MEI4: variants seen among roughly 807,000 people sequenced by gnomAD.
The protein encoded by MEI4 is meiosis-specific protein MEI4.
A neutral mutation model predicts 31.4 loss-of-function variants in MEI4; 27 were observed. The observed-to-expected ratio is 0.86, with a 90% CI of 0.63 to 1.19. The LOEUF is 1.19. MEI4 is among the 50% of genes most tolerant of loss of function. The pLI is 0.00. For missense variants in MEI4, 329 were observed against 398.9 expected, an observed-to-expected ratio of 0.82 and a Z score of 1.49; for synonymous variants, 122 against 145.4, an observed-to-expected ratio of 0.84 and a Z score of 1.16.
At chr6:77,885,573 G>A (rs1369486367) in intron 4 of MEI4, among the ~76,000 whole-genome samples, 1 of 152,106 alleles carries the variant, frequency 6.6e-6, no homozygotes. Flanking sequence ...TCTTGGTGGA[G>A]TTGTTAGGTT....
chr6:77,727,025 A>G lies in MEI4; in HGVS notation c.233-34105A>G, dbSNP rs148294566. Among the ~76,000 whole-genome samples, 36 of 152,340 alleles carry G rather than the reference A, an allele frequency of 2.4e-4. No homozygotes were observed. The East Asian group carries it at 6.6e-3, about 28-fold the overall frequency. On this transcript the variant is annotated intron_variant, in intron 2 of 4. Transcript: ENST00000684080. ...GGGAGGGAAGGGGGACATGTGTTTAATAAGCCAACAATTACAATTTTTTTT... is the reference window on the plus strand; with the variant it reads ...GGGAGGGAAGGGGGACATGTGTTTAGTAAGCCAACAATTACAATTTTTTTT...
intron 2 of MEI4, among the ~76,000 whole-genome samples, chr6:77,745,098 G>C (rs918606378): frequency 7.9e-5 from 12 of 152,132 alleles, no homozygotes; most frequent in Non-Finnish European, 1.6e-4. Context: ...CATAATGACA[G>C]GATCAAATTC....
At position 77,924,530 on chromosome 6, in the gene MEI4, C is replaced by T. The variant is rs1766800131; in HGVS notation, c.*1184C>T. On this transcript the variant is annotated 3_prime_UTR_variant, in exon 5 of 5. Transcript: ENST00000684080. The stretch of plus-strand genomic sequence containing the variant: ...AACAATAATATTTCTCAGATATATG[C>T]AGGTCACTCAAGGATCAGCTGATTT... 6.6e-6 allele frequency: 1 copy of T among 151,768 alleles called. No homozygotes were observed. The highest frequency in any genetic ancestry group is 3.2e-3 in the Middle Eastern group (1 of 316). 9.4% of individuals were successfully genotyped at this position (151,768 alleles called of 1,614,324 possible).
intron 4 of MEI4, among the ~76,000 whole-genome samples, chr6:77,866,038 G>A (rs1032770262): frequency 1.4e-4 from 21 of 152,142 alleles, no homozygotes; most frequent in African/African-American, 4.1e-4. Flanking sequence ...AACTCTTCAT[G>A]CTAAACACTC....
chr6:77,790,665 C>T (rs891864750), intron 3 of MEI4, among the ~76,000 whole-genome samples: 5 of 151,982 alleles, frequency 3.3e-5, no homozygotes, highest in African/African-American at 9.7e-5. Context: ...AAAGCAAGAT[C>T]AACCCAAAGA....
chr6:77,866,212 G>T (rs551026714), intron 4 of MEI4, among the ~76,000 whole-genome samples: 1 of 151,828 alleles, frequency 6.6e-6, no homozygotes, highest in Non-Finnish European at 1.5e-5. Context: ...TCAACATAGT[G>T]TTGGAAGTTC....
chr6:77,821,799 C>CAAAAA (rs34905460), intron 3 of MEI4, among the ~76,000 whole-genome samples: 24 of 93,042 alleles, frequency 2.6e-4, no homozygotes, highest in Non-Finnish European at 4.6e-4. Context: ...GCCATCTCTC[C>CAAAAA]AAAAAAAAAA....
intron 4 of MEI4, among the ~76,000 whole-genome samples, chr6:77,832,693 G>T (rs1770114335): frequency 6.6e-6 from 1 of 152,016 alleles, no homozygotes; most frequent in Non-Finnish European, 1.5e-5. Context: ...ATAGTCATAG[G>T]AAGTACAGCA....
At chr6:77,746,768 G>A (rs1191332820) in intron 2 of MEI4, among the ~76,000 whole-genome samples, 1 of 152,018 alleles carries the variant, frequency 6.6e-6, no homozygotes, top group Admixed American at 6.6e-5. Flanking sequence ...ACTGTATGTG[G>A]AGGGTAAAAG....
intron 4 of MEI4, among the ~76,000 whole-genome samples, chr6:77,835,117 CT>C (rs1290946140): frequency 6.7e-6 from 1 of 149,062 alleles, no homozygotes; most frequent in Non-Finnish European, 1.5e-5. Context: ...TTATAATATA[CT>C]TTTTATATTA....
chr6:77,923,218 AAGAAATTTCTTC>A lies in MEI4; in HGVS notation c.1035_1046del (p.Phe346_Lys349del), dbSNP rs1766752337. The A allele has an allele frequency of 4.1e-6, 5 of 1,230,492 alleles. No individual in the cohort carries two copies. The highest frequency in any genetic ancestry group is 4.2e-5 in the Admixed American group (1 of 23,566). The allele number at this position is 1,230,492 out of a possible 1,614,324, so 76.2% of individuals were successfully genotyped here. Reference sequence around the variant, plus strand: ...TATAGGTCATGATGACCAAGAAATCAAGAAATTTCTTCAGAAGCATGATGAAACTATTTTCCA... The same window carrying A: ...TATAGGTCATGATGACCAAGAAATCAAGAAGCATGATGAAACTATTTTCCA... On this transcript the variant is annotated inframe_deletion, in exon 5 of 5. Coordinates refer to ENST00000684080, the MANE Select transcript of MEI4 (RefSeq NM_001322247.2).
chr6:77,681,554 A>G lies in MEI4; in HGVS notation c.-14-9104A>G, dbSNP rs1345833622. ...TGTGTACATGTCTCTAAATCTCTGA[A>G]TCACTGTCTTTTCTGTTATCTTATA... On this transcript the variant is annotated intron_variant, in intron 1 of 4. Coordinates refer to ENST00000684080, the MANE Select transcript of MEI4 (RefSeq NM_001322247.2). Among the ~76,000 whole-genome samples the G allele has an allele frequency of 5.3e-5, 8 of 152,212 alleles. No homozygotes were observed. In the East Asian group the frequency reaches 1.5e-3, roughly 29 times the overall value.
intron 4 of MEI4, among the ~76,000 whole-genome samples, chr6:77,890,717 G>C (rs1431287149): frequency 6.6e-6 from 1 of 152,148 alleles, no homozygotes; most frequent in Non-Finnish European, 1.5e-5. Flanking sequence ...CTGAATTATA[G>C]TTCCCACAAT....
chr6:77,685,861 G>A (rs564420752), intron 1 of MEI4, among the ~76,000 whole-genome samples: 4 of 152,268 alleles, frequency 2.6e-5, no homozygotes, highest in South Asian at 2.1e-4. Context: ...TGTTTATTGT[G>A]ACAGTTTGGG....
chr6:77,650,765 CTG>C (rs1274385692), upstream of MEI4, among the ~76,000 whole-genome samples: 14 of 152,230 alleles, frequency 9.2e-5, no homozygotes, highest in Non-Finnish European at 1.5e-5. Flanking sequence ...TGATTATAGA[CTG>C]TGTCTGCTGT....
intron 4 of MEI4, among the ~76,000 whole-genome samples, chr6:77,869,323 C>T (rs934527286): frequency 4.6e-5 from 7 of 152,070 alleles, no homozygotes; most frequent in South Asian, 4.1e-4. Flanking sequence ...ATTCATATGT[C>T]GAAGCCCTAA....
intron 1 of MEI4, among the ~76,000 whole-genome samples, chr6:77,668,375 A>G (rs887371353): frequency 3.3e-5 from 5 of 152,158 alleles, no homozygotes; most frequent in South Asian, 2.1e-4. Flanking sequence ...ATTGTTAGGT[A>G]TTAAATTTTC....
At chr6:77,900,346 A>G (rs1424105046) in intron 4 of MEI4, among the ~76,000 whole-genome samples, 2 of 152,048 alleles carry the variant, frequency 1.3e-5, no homozygotes, top group Admixed American at 1.3e-4. Context: ...GTATATATAT[A>G]TAGAAAGGAA....
intron 4 of MEI4, among the ~76,000 whole-genome samples, chr6:77,874,729 AT>A (rs1324898637): frequency 6.6e-6 from 1 of 152,030 alleles, no homozygotes; most frequent in African/African-American, 2.4e-5. Flanking sequence ...TCAGTATGAT[AT>A]TGGCTGTGGG....
Sources: allele counts gnomAD v4.1 joint callset (sites outside exome capture counted in the v4.1 genomes callset), GRCh38; gene constraint gnomAD v4.1.1; transcripts MANE v1.5; gene names NCBI Gene and HGNC (gene_info 2026-07-23, HGNC 2026-07-21).